Variants in XYLT1 observed in about 807,000 individuals in gnomAD.
XYLT1 encodes beta-D-xylosyltransferase 1.
In XYLT1, 36 loss-of-function variants were observed where a neutral mutation model predicts 91.3. The ratio of observed to expected loss-of-function variants is 0.39; its 90% CI spans 0.30 to 0.52. The LOEUF is 0.52. Among genes scored for constraint, XYLT1 ranks in the 20% least tolerant of loss-of-function variants. The pLI, the probability that XYLT1 is intolerant of heterozygous loss-of-function variation, is 0.68. For missense variants in XYLT1, 1,242 were observed against 1,284.5 expected (o/e 0.97, Z 0.51); for synonymous variants, 588 against 532.0 (o/e 1.11, Z -1.45).
chr16:17,449,170 C>G (rs2036631901), intron 1 of XYLT1, among the ~76,000 whole-genome samples: 1 of 152,238 alleles, frequency 6.6e-6, no homozygotes, highest in Non-Finnish European at 1.5e-5. Flanking sequence ...CTGATGAAAG[C>G]AAGTTCATGC....
chr16:17,416,926 C>G (rs1196611702), intron 1 of XYLT1, among the ~76,000 whole-genome samples: 5 of 152,322 alleles, frequency 3.3e-5, no homozygotes, highest in South Asian at 4.1e-4. Context: ...CCCACAAGTG[C>G]TAACGAGGTG....
intron 3 of XYLT1, among the ~76,000 whole-genome samples, chr16:17,258,638 A>T (rs1279568589): frequency 2.6e-5 from 4 of 152,200 alleles, no homozygotes; most frequent in Non-Finnish European, 5.9e-5. Context: ...ATTCATATCA[A>T]TTCTAATCCC....
At chr16:17,355,093 G>A (rs2141859821) in intron 2 of XYLT1, 1 of 153,042 alleles carries the variant, frequency 6.5e-6, no homozygotes, top group South Asian at 2.1e-4. Flanking sequence ...AATGCTGAGA[G>A]TCTACCTTGT....
At chr16:17,258,389 G>C (rs1382302808) in intron 3 of XYLT1, among the ~76,000 whole-genome samples, 1 of 149,928 alleles carries the variant, frequency 6.7e-6, no homozygotes, top group Non-Finnish European at 1.5e-5. Flanking sequence ...AATGAGAAGA[G>C]GGAAGAAAAG....
At chr16:17,255,851 T>C (rs1368187515) in intron 3 of XYLT1, among the ~76,000 whole-genome samples, 2 of 151,884 alleles carry the variant, frequency 1.3e-5, no homozygotes, top group Admixed American at 1.3e-4. Context: ...CTACTAAAAA[T>C]ACAAAAATTA....
chr16:17,128,165 C>T lies in XYLT1; in HGVS notation c.2028-304G>A, dbSNP rs16968462. 7.6e-3 allele frequency among the ~76,000 whole-genome samples: 1,156 copies of T among 152,258 alleles called. 16 individuals carry two copies. The highest frequency in any genetic ancestry group is 0.026 in the African/African-American group (1,087 of 41,522). ...TATTGAGTCCTCTGGTGCTTGGTAC[C>T]GGGCAGTGAAAATGGTGTGTGAACA... On this transcript the variant is annotated intron_variant, in intron 9 of 11. Transcript: ENST00000261381.
chr16:17,466,288 A>T (rs1056814015), intron 1 of XYLT1, among the ~76,000 whole-genome samples: 4 of 152,216 alleles, frequency 2.6e-5, no homozygotes, highest in Admixed American at 2.6e-4. Context: ...GTGCAGTCCA[A>T]CAGGTGTGTG....
chr16:17,322,719 C>T (rs1283077689), intron 2 of XYLT1, among the ~76,000 whole-genome samples: 1 of 152,204 alleles, frequency 6.6e-6, no homozygotes, highest in Non-Finnish European at 1.5e-5. Flanking sequence ...AACTCACTGA[C>T]CAGATGAGTT....
At chr16:17,449,438 C>T (rs1363711001) in intron 1 of XYLT1, among the ~76,000 whole-genome samples, 1 of 152,230 alleles carries the variant, frequency 6.6e-6, no homozygotes, top group Non-Finnish European at 1.5e-5. Flanking sequence ...AGGCCCAGCA[C>T]CTGGAAGAGG....
intron 1 of XYLT1, among the ~76,000 whole-genome samples, chr16:17,438,485 G>A (rs557487307): frequency 5.5e-4 from 83 of 152,284 alleles, no homozygotes; most frequent in African/African-American, 2.0e-3. Flanking sequence ...GTGGAGGACT[G>A]TCAGATACTT....
chr16:17,212,520 T>TA (rs1201278690), intron 3 of XYLT1, among the ~76,000 whole-genome samples: 1 of 152,130 alleles, frequency 6.6e-6, no homozygotes, highest in African/African-American at 2.4e-5. Flanking sequence ...CCCAAACATA[T>TA]CTTTGGCTGT....
chr16:17,137,756 CACAGAACACAGTGGTTTCCA>C (rs1313918591), intron 8 of XYLT1: 2 of 149,306 alleles, frequency 1.3e-5, no homozygotes, highest in South Asian at 2.1e-4. Context: ...AGTGTTTTCC[CACAGAACACAGTGGTTTCCA>C]AACCTGGCTG....
intron 1 of XYLT1, among the ~76,000 whole-genome samples, chr16:17,385,997 C>T (rs1442295879): frequency 2.6e-5 from 4 of 152,138 alleles, no homozygotes; most frequent in East Asian, 1.9e-4. Flanking sequence ...AGTTAATTTA[C>T]GGCAAGTGCT....
At chr16:17,296,104 A>G (rs925463111) in intron 2 of XYLT1, among the ~76,000 whole-genome samples, 3 of 149,414 alleles carry the variant, frequency 2.0e-5, no homozygotes, top group Non-Finnish European at 3.0e-5. Context: ...GAAATGTCCT[A>G]TTTTATGTGG....
At chr16:17,423,023 G>C (rs879398106) in intron 1 of XYLT1, among the ~76,000 whole-genome samples, 2 of 152,212 alleles carry the variant, frequency 1.3e-5, no homozygotes, top group Admixed American at 1.3e-4. Flanking sequence ...CTAGCAGTAC[G>C]TCGAAGCACA....
At chr16:17,200,739 T>C in intron 3 of XYLT1, 85 bp from the exon 4 acceptor site, 1 of 1,484,606 alleles carries the variant, frequency 6.7e-7, no homozygotes, top group Non-Finnish European at 9.3e-7. Flanking sequence ...GGTGCTTCTT[T>C]TGGGGACTAT....
At chr16:17,157,167 C>G (rs552019429) in intron 6 of XYLT1, among the ~76,000 whole-genome samples, 1 of 152,060 alleles carries the variant, frequency 6.6e-6, no homozygotes, top group Non-Finnish European at 1.5e-5. Flanking sequence ...AGGCTGGCCT[C>G]GAACTCCAGA....
intron 1 of XYLT1, among the ~76,000 whole-genome samples, chr16:17,435,935 T>C (rs1053712589): frequency 2.6e-5 from 4 of 152,214 alleles, no homozygotes; most frequent in African/African-American, 9.6e-5. Flanking sequence ...ATGGTTTGGC[T>C]GTGTCCCCAC....
At chr16:17,129,215 C>T (rs1766845994) in intron 9 of XYLT1, among the ~76,000 whole-genome samples, 2 of 151,924 alleles carry the variant, frequency 1.3e-5, no homozygotes, top group African/African-American at 4.8e-5. Context: ...ACTGCAGCAA[C>T]ATCTAGGCAG....
Sources: allele counts gnomAD v4.1 joint callset (sites outside exome capture counted in the v4.1 genomes callset), GRCh38; gene constraint gnomAD v4.1.1; transcripts MANE v1.5; gene names NCBI Gene and HGNC (gene_info 2026-07-23, HGNC 2026-07-21).